CARF: variants seen among roughly 807,000 people sequenced by gnomAD.
CARF encodes calcium responsive transcription factor, also known as calcium-responsive transcription factor.
Under a neutral mutation model 82.0 loss-of-function variants are expected in CARF, and 57 were observed. That is an observed-to-expected ratio of 0.70 (90% CI 0.56 to 0.87). CARF has a LOEUF of 0.87. Among genes scored for constraint, CARF ranks in the 40% least tolerant of loss-of-function variants. CARF has a pLI of 0.00. For missense variants in CARF, 771 were observed against 855.8 expected, an observed-to-expected ratio of 0.90 and a Z score of 1.24; for synonymous variants, 268 against 290.1, an observed-to-expected ratio of 0.92 and a Z score of 0.77.
chr2:202,988,191 T>G lies in CARF; in HGVS notation c.*4567T>G, dbSNP rs1253881717. On this transcript the variant is annotated 3_prime_UTR_variant, in exon 17 of 17. Transcript: ENST00000438828. ...GCATTTTATGAATATATCAATTTGTTTATTCTTTTGATGATGGACATTAAT... is the reference window on the plus strand; with the variant it reads ...GCATTTTATGAATATATCAATTTGTGTATTCTTTTGATGATGGACATTAAT... 2.6e-5 allele frequency among the ~76,000 whole-genome samples: 4 copies of G among 152,176 alleles called. No individual in the cohort carries two copies. Among genetic ancestry groups the G allele is most frequent in the Non-Finnish European group, 1.5e-5 (1 of 68,026 alleles).
chr2:202,932,400 C>CT (rs1161878224), intron 3 of CARF, among the ~76,000 whole-genome samples: 3 of 152,140 alleles, frequency 2.0e-5, no homozygotes, highest in African/African-American at 7.2e-5. Context: ...TACCCTCTAG[C>CT]AGCTCAGGCC....
At chr2:202,930,706 C>A (rs1016631898) in intron 3 of CARF, among the ~76,000 whole-genome samples, 1 of 152,028 alleles carries the variant, frequency 6.6e-6, no homozygotes, top group African/African-American at 2.4e-5. Flanking sequence ...TTTGGCAACT[C>A]GTAGCCTTTT....
Position 202,985,419 on chromosome 2 carries a change from ATTAT to A in CARF, c.*1800_*1803del, listed in dbSNP as rs1278396927. 3 of 151,976 alleles carry A rather than the reference ATTAT, an allele frequency of 2.0e-5. No individual in the cohort carries two copies. The highest frequency in any genetic ancestry group is 7.2e-5 in the African/African-American group (3 of 41,418). The allele number at this position is 151,976 out of a possible 1,614,324, so 9.4% of individuals were successfully genotyped here. Reference sequence around the variant, plus strand: ...TTATATTTTATTTAATATAAAGTTTATTATTTATACCCTTTTTAATGCAAAGCTA... The same window carrying A: ...TTATATTTTATTTAATATAAAGTTTATTATACCCTTTTTAATGCAAAGCTA... On this transcript the variant is annotated 3_prime_UTR_variant, in exon 17 of 17. Transcript: ENST00000438828.
intron 3 of CARF, among the ~76,000 whole-genome samples, chr2:202,939,691 T>C (rs1008012819): frequency 2.2e-4 from 32 of 145,038 alleles, no homozygotes; most frequent in East Asian, 7.9e-4. Context: ...TTTTCTTTTT[T>C]TTTTTTTTTT....
rs571530208 is a variant in CARF at position 202,951,307 on chromosome 2, C to T, written c.307-1252C>T. Among the ~76,000 whole-genome samples the T allele has an allele frequency of 1.1e-4, 17 of 152,296 alleles. No individual in the cohort carries two copies. In the South Asian group the frequency reaches 3.3e-3, roughly 30 times the overall value. ...TTGGCCTCCCAAAGTACTGGGATTA[C>T]AGGCATGAGCCACTGTATCTGGCCT... On this transcript the variant is annotated intron_variant, in intron 5 of 16. Transcript: ENST00000438828.
chr2:202,983,354 G>T (rs1395804678), intron 16 of CARF, 152 bp from the exon 17 acceptor site: 5 of 596,818 alleles, frequency 8.4e-6, no homozygotes, highest in Middle Eastern at 4.5e-4. Context: ...AATTGTTCTG[G>T]ATTGGGCACT....
intron 1 of CARF, among the ~76,000 whole-genome samples, chr2:202,913,907 T>C (rs1039253643): frequency 1.3e-5 from 2 of 152,246 alleles, no homozygotes; most frequent in African/African-American, 4.8e-5. Flanking sequence ...TGCTTAATAA[T>C]ATAAGACTTT....
intron 9 of CARF, chr2:202,962,251 G>A (rs2059351064): frequency 6.6e-6 from 1 of 152,004 alleles, no homozygotes. Context: ...CAGCACTTTG[G>A]GAGGCCAAGG....
rs1340597615 is a variant in CARF at position 202,916,208 on chromosome 2, G to C, written c.-329-1669G>C. On this transcript the variant is annotated intron_variant, in intron 1 of 16. Coordinates refer to ENST00000438828, the MANE Select transcript of CARF (RefSeq NM_024744.17). Reference sequence around the variant, plus strand: ...TTTATTTATTTATTTTTGAGACAGAGTCTCACTCTGTCGCCAGGCTGTAGT... The same window carrying C: ...TTTATTTATTTATTTTTGAGACAGACTCTCACTCTGTCGCCAGGCTGTAGT... Among the ~76,000 whole-genome samples, 4 of 150,294 alleles carry C rather than the reference G, an allele frequency of 2.7e-5. No homozygotes were observed. The East Asian group carries it at 7.7e-4, about 29-fold the overall frequency.
chr2:202,947,319 C>T (rs2058547317), intron 5 of CARF, among the ~76,000 whole-genome samples: 1 of 152,100 alleles, frequency 6.6e-6, no homozygotes, highest in African/African-American at 2.4e-5. Flanking sequence ...AGTTCATGTC[C>T]TTTGCAGGGA....
chr2:202,922,498 G>A (rs966163379), intron 2 of CARF, among the ~76,000 whole-genome samples: 1 of 152,128 alleles, frequency 6.6e-6, no homozygotes, highest in Non-Finnish European at 1.5e-5. Context: ...AGTCAGACAA[G>A]AGAAAGAAAT....
rs552577590 is a variant in CARF, at chr2:202,912,380, C to A, written c.-1052C>A. The stretch of plus-strand genomic sequence containing the variant: ...CTCTGCTCCGGCGGACTTCCCATGT[C>A]GCCTTGTGGGGCTATCGGCGGCGGC... On this transcript the variant is annotated 5_prime_UTR_variant, in exon 1 of 17. The change creates a premature stop within an existing upstream ORF in the 5' untranslated region. Coordinates refer to ENST00000438828, the MANE Select transcript of CARF (RefSeq NM_024744.17). The A allele has an allele frequency of 6.6e-6, 1 of 151,744 alleles. No homozygotes were observed. The highest frequency in any genetic ancestry group is 2.1e-4 in the South Asian group (1 of 4,796). 9.4% of individuals were successfully genotyped at this position (151,744 alleles called of 1,614,324 possible). A position where few individuals can be genotyped will look rare whatever the true frequency, so the allele number is the denominator to read the frequency against.
intron 2 of CARF, among the ~76,000 whole-genome samples, chr2:202,919,626 T>A (rs1313822825): frequency 6.6e-6 from 1 of 152,186 alleles, no homozygotes; most frequent in Non-Finnish European, 1.5e-5. Context: ...TGGCAAAAGT[T>A]GAAAACAAAA....
intron 3 of CARF, among the ~76,000 whole-genome samples, chr2:202,936,138 C>T (rs1006294230): frequency 2.0e-5 from 3 of 152,054 alleles, no homozygotes; most frequent in South Asian, 2.1e-4. Flanking sequence ...CCCCAAAATT[C>T]CTTTTTTTTC....
intron 13 of CARF, among the ~76,000 whole-genome samples, chr2:202,976,088 CATACATA>C (rs771730222): frequency 3.9e-5 from 6 of 152,078 alleles, no homozygotes; most frequent in Non-Finnish European, 5.9e-5. Flanking sequence ...TCCATCCATA[CATACATA>C]CATACATACA....
At chr2:202,949,848 C>T (rs2105836093) in intron 5 of CARF, among the ~76,000 whole-genome samples, 1 of 152,196 alleles carries the variant, frequency 6.6e-6, no homozygotes, top group Non-Finnish European at 1.5e-5. Context: ...TCGTGCCTGG[C>T]CCAATATGAC....
intron 13 of CARF, among the ~76,000 whole-genome samples, chr2:202,975,478 G>A (rs190700014): frequency 4.6e-5 from 7 of 151,512 alleles, no homozygotes; most frequent in South Asian, 4.2e-4. Flanking sequence ...GTGTGGTGGC[G>A]TGCGCCTGTA....
chr2:202,932,108 C>A (rs1285065842), intron 3 of CARF, among the ~76,000 whole-genome samples: 1 of 151,702 alleles, frequency 6.6e-6, no homozygotes, highest in Admixed American at 6.6e-5. Context: ...TGGGGAAGTG[C>A]CACACACTTA....
intron 8 of CARF, among the ~76,000 whole-genome samples, chr2:202,960,892 C>T (rs2059291985): frequency 6.6e-6 from 1 of 152,062 alleles, no homozygotes. Flanking sequence ...TACTTTGTGG[C>T]TAGTTTTACG....
Sources: gnomAD v4.1 joint callset for allele counts (sites outside exome capture counted in the v4.1 genomes callset) on GRCh38, gnomAD v4.1.1 for gene constraint, MANE v1.5 for transcripts, NCBI Gene and HGNC (gene_info 2026-07-23, HGNC 2026-07-21) for gene names.